The following DNMBP variants were observed in gnomAD, a reference collection of about 807,000 sequenced individuals.
The protein encoded by DNMBP is dynamin binding protein, also known as dynamin-binding protein.
In DNMBP, 87 loss-of-function variants were observed where a neutral mutation model predicts 150.0. That is an observed-to-expected ratio of 0.58 (90% CI 0.49 to 0.69). The LOEUF (loss-of-function observed/expected upper bound fraction) is 0.69. Ranked by LOEUF, DNMBP falls within the 30% of genes least tolerant of loss-of-function variation. The probability of loss-of-function intolerance (pLI) is 0.00; values close to 1 mark genes in which losing one functional copy is unlikely to be tolerated. For missense variants in DNMBP, 1,774 were observed against 1,949.0 expected, an observed-to-expected ratio of 0.91 and a Z score of 1.69; for synonymous variants, 711 against 750.4, an observed-to-expected ratio of 0.95 and a Z score of 0.86.
intron 4 of DNMBP, among the ~76,000 whole-genome samples, chr10:99,924,069 G>A (rs560352497): frequency 6.6e-5 from 10 of 152,152 alleles, no homozygotes; most frequent in South Asian, 4.1e-4. Context: ...CAGGAGAATC[G>A]CTTGAACCTG....
rs1479872635 is a variant in DNMBP at position 99,886,286 on chromosome 10, G to T, written c.3618+14C>A. 8 of 1,605,006 alleles carry T rather than the reference G, an allele frequency of 5.0e-6. No individual in the cohort carries two copies. The highest frequency in any genetic ancestry group is 1.3e-5 in the African/African-American group (1 of 74,726). ...CTATAGATGACCATCCCACTGAACA[G>T]GTAAGAAACTCACCGAAAGCAGTGG... On this transcript the variant is annotated intron_variant, in intron 13 of 16. Coordinates refer to ENST00000324109, the MANE Select transcript of DNMBP (RefSeq NM_015221.4).
At chr10:99,989,697 G>A (rs1283430156) in intron 1 of DNMBP, among the ~76,000 whole-genome samples, 1 of 152,082 alleles carries the variant, frequency 6.6e-6, no homozygotes. Flanking sequence ...GGCAACAAGA[G>A]CGAAACTCTG....
At chr10:99,896,600 A>G (rs1162997378) in intron 9 of DNMBP, among the ~76,000 whole-genome samples, 2 of 152,230 alleles carry the variant, frequency 1.3e-5, no homozygotes, top group African/African-American at 4.8e-5. Context: ...GAGGGGCCAG[A>G]GACAAGGAGG....
Position 99,956,999 on chromosome 10 carries a change from G to T in DNMBP, c.475C>A (p.Gln159Lys), listed in dbSNP as rs2040505921. 1 of 1,614,070 alleles carries T rather than the reference G, an allele frequency of 6.2e-7. No individual in the cohort carries two copies. Among genetic ancestry groups the T allele is most frequent in the African/African-American group, 1.3e-5 (1 of 74,930 alleles). The stretch of plus-strand genomic sequence containing the variant: ...CTGAAGTCCAGCTCTTCATCCAGCT[G>T]AGCAGAAAGCCCCATTAGGGCCCGG... The part of the protein sequence containing the change: ...QARALMGLSA[Q>K]LDEELDFREG... The change falls in exon 4 of 17, where the codon CAG (glutamine) becomes AAG (lysine). Residue 159 changes from glutamine to lysine, a missense_variant. This residue lies in a region of DNMBP where 344 missense variants were observed against 456.6 expected (regional missense o/e 0.75). Transcript: ENST00000324109.
chr10:99,875,702 G>A lies in DNMBP; in HGVS notation c.*1449C>T, dbSNP rs894109461. ...ACCACGACCAGCAGACACTGTGGAT[G>A]TTAGGACTCCACGGTGTCTCCCGAC... On this transcript the variant is annotated 3_prime_UTR_variant, in exon 17 of 17. Transcript: ENST00000324109. The A allele has an allele frequency of 6.6e-6, 1 of 152,208 alleles. No homozygotes were observed. Among genetic ancestry groups the A allele is most frequent in the Admixed American group, 6.6e-5 (1 of 15,266 alleles). 9.4% of individuals were successfully genotyped at this position (152,208 alleles called of 1,614,324 possible). A position where few individuals can be genotyped will look rare whatever the true frequency, so the allele number is the denominator to read the frequency against.
At chr10:99,977,277 C>T (rs2040738091) in intron 1 of DNMBP, among the ~76,000 whole-genome samples, 2 of 152,226 alleles carry the variant, frequency 1.3e-5, no homozygotes, top group South Asian at 4.1e-4. Context: ...CATCTGTCTT[C>T]TCTGCCCTGT....
chr10:99,944,382 T>C (rs1229229864), intron 4 of DNMBP, among the ~76,000 whole-genome samples: 1 of 152,142 alleles, frequency 6.6e-6, no homozygotes. Context: ...CACCAAGAGA[T>C]AGGGTAGCAC....
chr10:99,900,984 C>T (rs2133231290), intron 6 of DNMBP, among the ~76,000 whole-genome samples: 1 of 152,240 alleles, frequency 6.6e-6, no homozygotes, highest in East Asian at 1.9e-4. Context: ...TGCCCAGGCT[C>T]CACTGCAGTG....
At chr10:99,945,080 T>G (rs2040342040) in intron 4 of DNMBP, among the ~76,000 whole-genome samples, 1 of 152,148 alleles carries the variant, frequency 6.6e-6, no homozygotes, top group Non-Finnish European at 1.5e-5. Context: ...TTGGTTTAAG[T>G]TGGACCTGGG....
intron 3 of DNMBP, among the ~76,000 whole-genome samples, chr10:99,959,466 G>A (rs1420077830): frequency 2.0e-5 from 3 of 151,872 alleles, no homozygotes; most frequent in Admixed American, 6.6e-5. Flanking sequence ...CAGCCTGGGC[G>A]ACAGAGAAAG....
At chr10:99,949,233 G>A (rs2040393665) in intron 4 of DNMBP, among the ~76,000 whole-genome samples, 1 of 152,044 alleles carries the variant, frequency 6.6e-6, no homozygotes, top group Non-Finnish European at 1.5e-5. Flanking sequence ...CCCTTCATTA[G>A]GTATTTGAGT....
rs887005500 is a variant in DNMBP, at chr10:99,955,766, G to C, written c.1708C>G (p.Pro570Ala). 2 of 1,614,066 alleles carry C rather than the reference G, an allele frequency of 1.2e-6. No homozygotes were observed. Among genetic ancestry groups the C allele is most frequent in the Admixed American group, 3.3e-5 (2 of 60,002 alleles). ...EKSLAGPGTE[P>A]DKILRHFSIM... ...GAAAAGTGGCGTAAAATTTTATCTG[G>C]CTCTGTGCCGGGCCCTGCCAAGCTC... The change falls in exon 4 of 17, where the codon CCA (proline) becomes GCA (alanine). Residue 570 changes from proline (P) to alanine (A), a missense_variant. By Grantham distance (27) the Pro-to-Ala change is conservative (BLOSUM62 -1). Transcript: ENST00000324109.
At chr10:99,898,670 A>G in intron 8 of DNMBP, 73 bp downstream of exon 8, 1 of 1,503,714 alleles carries the variant, frequency 6.7e-7, no homozygotes, top group South Asian at 1.2e-5. Flanking sequence ...AAGAAAATAC[A>G]GTTGCTTAAG....
intron 11 of DNMBP, chr10:99,889,178 CT>C: frequency 2.1e-6 from 1 of 466,158 alleles, no homozygotes; most frequent in East Asian, 4.0e-5. Flanking sequence ...CTGTTGAGGG[CT>C]TTTATCATCT....
chr10:100,005,102 G>A (rs1392131427), intron 1 of DNMBP, among the ~76,000 whole-genome samples: 1 of 152,174 alleles, frequency 6.6e-6, no homozygotes, highest in Admixed American at 6.6e-5. Context: ...GCTGGAAAGA[G>A]GCGAGTGCTG....
intron 1 of DNMBP, among the ~76,000 whole-genome samples, chr10:99,974,354 C>T (rs142496242): frequency 1.3e-5 from 2 of 152,246 alleles, no homozygotes; most frequent in East Asian, 1.9e-4. Context: ...GGGGAACCTA[C>T]GTATGTATTG....
intron 11 of DNMBP, 173 bp from the exon 12 acceptor site, chr10:99,889,126 C>T (rs1008990942): frequency 1.2e-5 from 8 of 672,952 alleles, no homozygotes; most frequent in African/African-American, 1.8e-5. Context: ...CTATGACTTA[C>T]GGGGCACAGA....
intron 10 of DNMBP, among the ~76,000 whole-genome samples, chr10:99,895,426 C>T (rs572725068): frequency 6.6e-6 from 1 of 152,316 alleles, no homozygotes; most frequent in East Asian, 1.9e-4. Flanking sequence ...CCACGCCCAG[C>T]CAAAAGTAGC....
chr10:99,957,117 T>C lies in DNMBP; in HGVS notation c.357A>G (p.Ser119=). The change falls in exon 4 of 17, where the codon TCA becomes TCG. Residue 119 remains serine (S), a synonymous_variant. Transcript: ENST00000324109. ...AGGAGAGGCAGAGCTCGCGGACACA[T>C]GAAGATGGGAAGAAGCCCCGTGCGC... is the stretch of plus-strand genomic sequence containing the variant. ...CWGARGFFPS[S]CVRELCLSSQ... 1 of 1,613,674 alleles carries C rather than the reference T, an allele frequency of 6.2e-7. No individual in the cohort carries two copies. Among genetic ancestry groups the C allele is most frequent in the Admixed American group, 1.7e-5 (1 of 60,022 alleles).
Sources: allele counts gnomAD v4.1 joint callset (sites outside exome capture counted in the v4.1 genomes callset), GRCh38; gene constraint gnomAD v4.1.1; regional missense constraint gnomAD v4.1.1; transcripts MANE v1.5; gene names NCBI Gene and HGNC (gene_info 2026-07-23, HGNC 2026-07-21).